EBF3: variants seen among roughly 807,000 people sequenced by gnomAD.
The protein encoded by EBF3 is transcription factor COE3.
In EBF3, 18 loss-of-function variants were observed where a neutral mutation model predicts 77.1. That is an observed-to-expected ratio of 0.23 (90% confidence interval 0.16 to 0.35). The LOEUF (loss-of-function observed/expected upper bound fraction) is 0.35, where lower values mean the gene tolerates loss of function less well. Among genes scored for constraint, EBF3 ranks in the 10% least tolerant of loss-of-function variants. EBF3 has a pLI of 1.00. For missense variants in EBF3, 558 were observed against 860.0 expected (o/e 0.65, Z 4.39); for synonymous variants, 350 against 343.5 (o/e 1.02, Z -0.21).
At chr10:129,958,855 G>A (rs1278103063) in intron 5 of EBF3, 79 bp downstream of exon 5, 12 of 1,475,078 alleles carry the variant, frequency 8.1e-6, no homozygotes, top group South Asian at 1.4e-5. Flanking sequence ...GGGTGGCGGC[G>A]CCTGGACGCG....
intron 10 of EBF3, among the ~76,000 whole-genome samples, chr10:129,853,358 T>C (rs1851028724): frequency 6.6e-6 from 1 of 152,204 alleles, no homozygotes; most frequent in South Asian, 2.1e-4. Context: ...CAGGAAGACA[T>C]TCATTTGCTT....
At chr10:129,881,723 G>A (rs1053772245) in intron 6 of EBF3, among the ~76,000 whole-genome samples, 10 of 152,234 alleles carry the variant, frequency 6.6e-5, no homozygotes, top group Non-Finnish European at 5.9e-5. Flanking sequence ...TGAGGGTCCT[G>A]TGAAGATGGA....
intron 6 of EBF3, among the ~76,000 whole-genome samples, chr10:129,927,598 G>A (rs1431799656): frequency 1.3e-5 from 2 of 152,198 alleles, no homozygotes; most frequent in African/African-American, 4.8e-5. Flanking sequence ...GGGCAGCCAT[G>A]CCTCCTATGC....
At chr10:129,922,342 G>A (rs1332583807) in intron 6 of EBF3, among the ~76,000 whole-genome samples, 1 of 152,218 alleles carries the variant, frequency 6.6e-6, no homozygotes, top group African/African-American at 2.4e-5. Context: ...CAGGTCAGCA[G>A]CAGGGCCAGG....
At chr10:129,855,696 C>A (rs1286472955) in intron 10 of EBF3, among the ~76,000 whole-genome samples, 1 of 152,140 alleles carries the variant, frequency 6.6e-6, no homozygotes, top group Non-Finnish European at 1.5e-5. Flanking sequence ...AGAGACACCA[C>A]CCAGTAAAAG....
intron 6 of EBF3, among the ~76,000 whole-genome samples, chr10:129,914,439 G>A (rs1049695382): frequency 2.0e-5 from 3 of 152,158 alleles, no homozygotes; most frequent in Non-Finnish European, 2.9e-5. Context: ...AGGTGCTTTC[G>A]AAAATACCGT....
intron 6 of EBF3, among the ~76,000 whole-genome samples, chr10:129,901,441 C>T (rs1254624853): frequency 2.6e-5 from 4 of 152,164 alleles, no homozygotes; most frequent in Non-Finnish European, 4.4e-5. Context: ...GGGTGCGATC[C>T]TACCATTTGT....
In EBF3 at chr10:129,943,497, G is replaced by A. The variant is rs1455581140; in HGVS notation, c.554+13761C>T. 6.6e-6 allele frequency among the ~76,000 whole-genome samples: 1 copy of A among 152,132 alleles called. No homozygotes were observed. Among genetic ancestry groups the A allele is most frequent in the African/African-American group, 2.4e-5 (1 of 41,410 alleles). On this transcript the variant is annotated intron_variant, in intron 6 of 16. Transcript: ENST00000440978. The surrounding 1 kb of genome is among the most constrained non-coding windows in gnomAD (Gnocchi z 8.8). ...CATTATATAACTGTAAACTTCTGGA[G>A]GTTAGAGATTGGATAATTTCTTTCA...
chr10:129,896,361 T>C (rs551866622), intron 6 of EBF3, among the ~76,000 whole-genome samples: 90 of 152,292 alleles, frequency 5.9e-4, no homozygotes, highest in Non-Finnish European at 1.1e-3. Context: ...GAATGCACAT[T>C]AAAAGAGGGA....
intron 16 of EBF3, among the ~76,000 whole-genome samples, chr10:129,838,709 T>G (rs925489974): frequency 3.3e-5 from 5 of 152,238 alleles, no homozygotes; most frequent in Admixed American, 1.3e-4. Flanking sequence ...ACCGCTGGTG[T>G]TGTTTAATTT....
intron 10 of EBF3, among the ~76,000 whole-genome samples, chr10:129,862,911 C>G (rs770974415): frequency 6.6e-6 from 1 of 152,168 alleles, no homozygotes; most frequent in Admixed American, 6.5e-5. Context: ...CTGCGAGTTT[C>G]TCAGGTAGGA....
chr10:129,842,725 C>T lies in EBF3; in HGVS notation c.1194+412G>A. On this transcript the variant is annotated intron_variant, in intron 12 of 16. Coordinates refer to ENST00000440978, the MANE Select transcript of EBF3 (RefSeq NM_001375380.1). This position sits in a 1 kb window ranked among gnomAD's most constrained non-coding sequence, Gnocchi z 4.4. ...GTTGCAGTGAACCGACACTGCCCTA[C>T]TGCACTCCAGCCTGGGTGACAGAGC... 6.8e-6 allele frequency among the ~76,000 whole-genome samples: 1 copy of T among 147,634 alleles called. No individual in the cohort carries two copies.
chr10:129,920,497 T>C (rs1856219949), intron 6 of EBF3, among the ~76,000 whole-genome samples: 1 of 152,204 alleles, frequency 6.6e-6, no homozygotes, highest in African/African-American at 2.4e-5. Flanking sequence ...TCTGGGTTAA[T>C]GGGTGGAGCA....
chr10:129,874,359 A>G (rs1852610528), intron 7 of EBF3, among the ~76,000 whole-genome samples: 1 of 152,156 alleles, frequency 6.6e-6, no homozygotes, highest in South Asian at 2.1e-4. Flanking sequence ...TTAAGCCCTC[A>G]GCTGCCTCGT....
At chr10:129,953,905 T>C (rs894918990) in intron 6 of EBF3, among the ~76,000 whole-genome samples, 5 of 152,218 alleles carry the variant, frequency 3.3e-5, no homozygotes, top group Admixed American at 2.6e-4. Flanking sequence ...CTGGAATCAT[T>C]TGCAGCCCTT....
At position 129,956,048 on chromosome 10, in the gene EBF3, C is replaced by T. The variant is rs1449252739; in HGVS notation, c.554+1210G>A. ...AACTTGTTCTCAATTGCCTGAGTGA[C>T]AGCCACAACTGGTCAACCCTATTTG... On this transcript the variant is annotated intron_variant, in intron 6 of 16. Coordinates refer to ENST00000440978, the MANE Select transcript of EBF3 (RefSeq NM_001375380.1). Among the ~76,000 whole-genome samples, 6 of 152,212 alleles carry T rather than the reference C, an allele frequency of 3.9e-5. No individual in the cohort carries two copies. In the East Asian group the frequency reaches 9.6e-4, roughly 24 times the overall value.
chr10:129,926,760 G>A (rs972196952), intron 6 of EBF3, among the ~76,000 whole-genome samples: 11 of 152,218 alleles, frequency 7.2e-5, no homozygotes, highest in Non-Finnish European at 5.9e-5. Flanking sequence ...CCCTCCGCTG[G>A]AGGGGGTGTG....
Position 129,944,620 on chromosome 10 carries a change from A to C in EBF3, c.554+12638T>G, listed in dbSNP as rs1374669812. On this transcript the variant is annotated intron_variant, in intron 6 of 16. Transcript: ENST00000440978. This position sits in a 1 kb window ranked among gnomAD's most constrained non-coding sequence, Gnocchi z 5.1. ...GTTTGGGGAGCATTTTCTTAGTGGA[A>C]GCTGGAGCGCCCCTCACACCACACG... Among the ~76,000 whole-genome samples the C allele has an allele frequency of 6.6e-6, 1 of 152,176 alleles. No homozygotes were observed. The highest frequency in any genetic ancestry group is 6.5e-5 in the Admixed American group (1 of 15,280).
At position 129,842,656 on chromosome 10, in the gene EBF3, C is replaced by T. The variant is rs1043131084; in HGVS notation, c.1195-363G>A. The stretch of plus-strand genomic sequence containing the variant: ...GCAAACGCCTGTAATCCCAGCTACT[C>T]GGGAGCCTGAGGCAGGAGAATCGCT... On this transcript the variant is annotated intron_variant, in intron 12 of 16. Coordinates refer to ENST00000440978, the MANE Select transcript of EBF3 (RefSeq NM_001375380.1). This position sits in a 1 kb window ranked among gnomAD's most constrained non-coding sequence, Gnocchi z 4.4. 1.3e-5 allele frequency among the ~76,000 whole-genome samples: 2 copies of T among 150,192 alleles called. No individual in the cohort carries two copies. Among genetic ancestry groups the T allele is most frequent in the African/African-American group, 4.9e-5 (2 of 40,688 alleles).
Sources: gnomAD v4.1 joint callset for allele counts (sites outside exome capture counted in the v4.1 genomes callset) on GRCh38, gnomAD v4.1.1 for gene constraint, Gnocchi (gnomAD v3.1) non-coding constraint, MANE v1.5 for transcripts, NCBI Gene and HGNC (gene_info 2026-07-23, HGNC 2026-07-21) for gene names.